The following CSMD2 variants were observed in gnomAD, a reference collection of about 807,000 sequenced individuals.
CSMD2 encodes the protein CUB and Sushi multiple domains 2, also known as CUB and sushi domain-containing protein 2.
Under a neutral mutation model 398.5 loss-of-function variants are expected in CSMD2, and 130 were observed. The ratio of observed to expected loss-of-function variants is 0.33; its 90% CI spans 0.28 to 0.38. The LOEUF (loss-of-function observed/expected upper bound fraction) is 0.38. Ranked by LOEUF, CSMD2 falls within the 10% of genes least tolerant of loss-of-function variation. The probability of loss-of-function intolerance (pLI) is 1.00; values close to 1 mark genes in which losing one functional copy is unlikely to be tolerated. For synonymous variants in CSMD2, 1,828 were observed against 1,908.5 expected (o/e 0.96, Z 1.10); for missense variants, 3,829 against 4,764.9 (o/e 0.80, Z 5.78).
At chr1:33,602,844 G>C (rs1238326483) in intron 42 of CSMD2, among the ~76,000 whole-genome samples, 1 of 152,218 alleles carries the variant, frequency 6.6e-6, no homozygotes, top group African/African-American at 2.4e-5. Flanking sequence ...ATGCCCTGAA[G>C]CTGTCCCCTC....
At chr1:33,560,927 C>A (rs1658481204) in intron 53 of CSMD2, among the ~76,000 whole-genome samples, 1 of 152,180 alleles carries the variant, frequency 6.6e-6, no homozygotes. Context: ...CTGCTTTGAT[C>A]CTTAGTCCTT....
intron 55 of CSMD2, among the ~76,000 whole-genome samples, chr1:33,553,978 T>A (rs1408869642): frequency 6.6e-6 from 1 of 151,246 alleles, no homozygotes; most frequent in African/African-American, 2.4e-5. Context: ...GCTGAGAGAG[T>A]TGAGGAAGCT....
At chr1:33,668,552 C>T (rs1031132912) in intron 25 of CSMD2, among the ~76,000 whole-genome samples, 7 of 152,150 alleles carry the variant, frequency 4.6e-5, no homozygotes, top group Non-Finnish European at 7.3e-5. Flanking sequence ...CAGTTCTGAT[C>T]GACAGAGATA....
intron 3 of CSMD2, among the ~76,000 whole-genome samples, chr1:34,018,498 A>G (rs1016058648): frequency 2.6e-5 from 4 of 152,240 alleles, no homozygotes; most frequent in South Asian, 2.1e-4. Context: ...ACTAATTTAC[A>G]TCAGCACCAG....
In CSMD2 at chr1:33,613,555, G is replaced by A. The variant is rs142963506; in HGVS notation, c.6133+949C>T. Among the ~76,000 whole-genome samples, 28 of 152,192 alleles carry A rather than the reference G, an allele frequency of 1.8e-4. No individual in the cohort carries two copies. In the East Asian group the frequency reaches 4.1e-3, roughly 22 times the overall value. Reference sequence around the variant, plus strand: ...CCAAGCTCTCTCCTCCCCTCCAACCGGATTTAGAGAAGGCCAGTTAGACTG... The same window carrying A: ...CCAAGCTCTCTCCTCCCCTCCAACCAGATTTAGAGAAGGCCAGTTAGACTG... On this transcript the variant is annotated intron_variant, in intron 40 of 70. Coordinates refer to ENST00000373381, the MANE Select transcript of CSMD2 (RefSeq NM_001281956.2).
intron 12 of CSMD2, among the ~76,000 whole-genome samples, chr1:33,774,588 A>T (rs929144565): frequency 3.9e-5 from 6 of 152,194 alleles, no homozygotes; most frequent in Non-Finnish European, 8.8e-5. Context: ...AAAGTTACAC[A>T]GCATTTCAAG....
intron 1 of CSMD2, among the ~76,000 whole-genome samples, chr1:34,158,980 AC>A (rs557878823): frequency 1.6e-4 from 25 of 152,178 alleles, no homozygotes; most frequent in Non-Finnish European, 2.8e-4. Context: ...ATGCCCCTTA[AC>A]CCGTTTCCAG....
At chr1:33,780,968 G>A (rs914499906) in intron 12 of CSMD2, among the ~76,000 whole-genome samples, 2 of 152,246 alleles carry the variant, frequency 1.3e-5, no homozygotes, top group African/African-American at 2.4e-5. Flanking sequence ...TCTGACAAGA[G>A]GAAAGGCGGT....
At position 33,999,126 on chromosome 1, in the gene CSMD2, C is replaced by A. The variant is rs955426130; in HGVS notation, c.517+33468G>T. ...TAAGGCCCCATAAGCCAAGACTTAT[C>A]TAAGTCCTTTTGTGTGAATCCAGGA... On this transcript the variant is annotated intron_variant, in intron 3 of 70. Coordinates refer to ENST00000373381, the MANE Select transcript of CSMD2 (RefSeq NM_001281956.2). 2.6e-5 allele frequency among the ~76,000 whole-genome samples: 4 copies of A among 152,198 alleles called. 1 individual carries two copies. The highest frequency in any genetic ancestry group is 1.9e-4 in the East Asian group (1 of 5,190).
chr1:34,025,671 C>G (rs1249691293), intron 3 of CSMD2, among the ~76,000 whole-genome samples: 1 of 152,150 alleles, frequency 6.6e-6, no homozygotes, highest in African/African-American at 2.4e-5. Context: ...ACCCTTAGCT[C>G]TAAAGCCAAC....
chr1:33,657,681 G>A (rs1643990808), intron 27 of CSMD2, among the ~76,000 whole-genome samples: 1 of 152,172 alleles, frequency 6.6e-6, no homozygotes, highest in African/African-American at 2.4e-5. Flanking sequence ...AGAGAGAAAG[G>A]GACAGACCTG....
chr1:33,770,443 G>A (rs1651108601), intron 13 of CSMD2, among the ~76,000 whole-genome samples: 1 of 152,244 alleles, frequency 6.6e-6, no homozygotes, highest in Non-Finnish European at 1.5e-5. Context: ...TACCTGCTGG[G>A]TACTCAGTAG....
intron 5 of CSMD2, among the ~76,000 whole-genome samples, 187 bp downstream of exon 5, chr1:33,917,906 AT>A (rs1643807330): frequency 6.6e-6 from 1 of 152,244 alleles, no homozygotes; most frequent in African/African-American, 2.4e-5. Context: ...CACTATAAAA[AT>A]TACCCCAGCT....
intron 2 of CSMD2, among the ~76,000 whole-genome samples, chr1:34,087,404 A>C (rs886104681): frequency 6.6e-6 from 1 of 151,854 alleles, no homozygotes; most frequent in Admixed American, 6.6e-5. Context: ...TCTCACTCAT[A>C]AGTGGGAGTT....
intron 6 of CSMD2, among the ~76,000 whole-genome samples, chr1:33,829,353 ATTAAATTTACTT>A (rs1659202957): frequency 6.6e-6 from 1 of 152,104 alleles, no homozygotes; most frequent in South Asian, 2.1e-4. Context: ...TTTTTTTTAG[ATTAAATTTACTT>A]TTATTTACAG....
At chr1:34,045,068 CACACACACA>C (rs751680212) in intron 2 of CSMD2, among the ~76,000 whole-genome samples, 22 of 152,008 alleles carry the variant, frequency 1.4e-4, no homozygotes, top group Non-Finnish European at 2.2e-4. Flanking sequence ...CACACACACA[CACACACACA>C]CCCCTACAAA....
chr1:34,140,389 C>T (rs1470162296), intron 1 of CSMD2, among the ~76,000 whole-genome samples: 1 of 151,666 alleles, frequency 6.6e-6, no homozygotes, highest in Non-Finnish European at 1.5e-5. Context: ...GAAATTCTGG[C>T]TCTCCGAGCA....
chr1:33,739,814 CA>C (rs893851994), intron 14 of CSMD2, among the ~76,000 whole-genome samples: 2 of 152,084 alleles, frequency 1.3e-5, no homozygotes, highest in African/African-American at 4.8e-5. Context: ...AGACTCTAAG[CA>C]TCATAAAGGA....
chr1:33,966,652 T>C (rs567627920), intron 3 of CSMD2, among the ~76,000 whole-genome samples: 3 of 152,260 alleles, frequency 2.0e-5, no homozygotes, highest in African/African-American at 4.8e-5. Flanking sequence ...AGCAAGAAAA[T>C]AGAAGCTGCG....
Sources: gnomAD v4.1 joint callset for allele counts (sites outside exome capture counted in the v4.1 genomes callset) on GRCh38, gnomAD v4.1.1 for gene constraint, MANE v1.5 for transcripts, NCBI Gene and HGNC (gene_info 2026-07-23, HGNC 2026-07-21) for gene names.